The following MDGA2 variants were observed in gnomAD, a reference collection of about 807,000 sequenced individuals.
MDGA2 encodes MAM domain containing glycosylphosphatidylinositol anchor 2, also known as MAM domain-containing glycosylphosphatidylinositol anchor protein 2.
A neutral mutation model predicts 117.8 loss-of-function variants in MDGA2; 40 were observed. That is an observed-to-expected ratio of 0.34 (90% CI 0.26 to 0.44). The LOEUF (loss-of-function observed/expected upper bound fraction) is 0.44. Among genes scored for constraint, MDGA2 ranks in the 20% least tolerant of loss-of-function variants. The pLI is 1.00. For synonymous variants in MDGA2, 452 were observed against 439.0 expected (o/e 1.03, Z -0.37); for missense variants, 1,123 against 1,250.6 (o/e 0.90, Z 1.54).
At chr14:47,401,080 C>CCCAG in intron 1 of MDGA2, among the ~76,000 whole-genome samples, 1 of 151,506 alleles carries the variant, frequency 6.6e-6, no homozygotes, top group East Asian at 2.0e-4. Context: ...TCTTTATGTC[C>CCCAG]CCAGTACTGT....
chr14:47,129,261 T>A (rs1035657620), intron 5 of MDGA2, among the ~76,000 whole-genome samples: 14 of 144,218 alleles, frequency 9.7e-5, no homozygotes, highest in Non-Finnish European at 1.1e-4. Flanking sequence ...CCCACAACAG[T>A]CCCCAGAGTG....
At chr14:47,227,305 G>T (rs1454073623) in intron 2 of MDGA2, among the ~76,000 whole-genome samples, 2 of 152,066 alleles carry the variant, frequency 1.3e-5, no homozygotes, top group Non-Finnish European at 2.9e-5. Flanking sequence ...AATGATTATT[G>T]TGGGATATGA....
chr14:46,863,164 C>T (rs888600340), intron 14 of MDGA2, among the ~76,000 whole-genome samples: 15 of 151,872 alleles, frequency 9.9e-5, no homozygotes, highest in Admixed American at 3.9e-4. Context: ...CTTTGTTCTC[C>T]ACCTCCTATA....
downstream of MDGA2, among the ~76,000 whole-genome samples, chr14:46,839,733 T>G (rs1310311705): frequency 6.6e-6 from 1 of 152,014 alleles, no homozygotes; most frequent in Non-Finnish European, 1.5e-5. Context: ...GATGTCTAAT[T>G]CATTCAAATA....
chr14:47,288,350 AAG>A (rs1888760329), intron 2 of MDGA2, among the ~76,000 whole-genome samples: 1 of 152,198 alleles, frequency 6.6e-6, no homozygotes. Flanking sequence ...AGACATCACA[AAG>A]AGTTATTCAA....
At chr14:47,145,259 T>C (rs529537676) in intron 3 of MDGA2, among the ~76,000 whole-genome samples, 1 of 152,278 alleles carries the variant, frequency 6.6e-6, no homozygotes, top group South Asian at 2.1e-4. Flanking sequence ...CATAAATACC[T>C]TGGGCTTTGT....
chr14:47,214,788 T>A (rs1057510219), intron 3 of MDGA2, among the ~76,000 whole-genome samples: 6 of 152,108 alleles, frequency 3.9e-5, no homozygotes, highest in African/African-American at 1.4e-4. Context: ...TAGAAACTTG[T>A]AGAACGTGGG....
Position 47,035,195 on chromosome 14 carries a change from A to G in MDGA2, c.1635T>C (p.Leu545=), listed in dbSNP as rs1888802704. 1 of 1,613,950 alleles carries G rather than the reference A, an allele frequency of 6.2e-7. No individual in the cohort carries two copies. Among genetic ancestry groups the G allele is most frequent in the African/African-American group, 1.3e-5 (1 of 74,886 alleles). ...CAACTTCTTTATCCGCTCTAGACCA[A>G]AGGATGATTGGTTTAGGTTTGCCAG... The part of the protein sequence containing the change: ...QVTGKPKPII[L]WSRADKEVAM... The change falls in exon 8 of 17, where the codon CTT becomes CTC. Residue 545 remains leucine (L), a synonymous_variant. Transcript: ENST00000399232.
At chr14:47,630,850 T>C (rs1305273924) in intron 1 of MDGA2, among the ~76,000 whole-genome samples, 6 of 152,176 alleles carry the variant, frequency 3.9e-5, no homozygotes, top group Admixed American at 3.9e-4. Flanking sequence ...ACACAGTCAA[T>C]ATTCATTGTG....
intron 9 of MDGA2, among the ~76,000 whole-genome samples, chr14:46,955,986 T>C (rs1020630665): frequency 2.6e-5 from 4 of 152,226 alleles, no homozygotes; most frequent in South Asian, 4.1e-4. Flanking sequence ...AATCCTGATA[T>C]GTTTTAGTAA....
At chr14:46,984,557 T>C (rs924841976) in intron 8 of MDGA2, among the ~76,000 whole-genome samples, 5 of 152,016 alleles carry the variant, frequency 3.3e-5, no homozygotes, top group African/African-American at 1.2e-4. Context: ...AGTGGATTCT[T>C]GTATCCAGCT....
chr14:47,117,532 A>C (rs1881396785), intron 5 of MDGA2, among the ~76,000 whole-genome samples: 1 of 152,166 alleles, frequency 6.6e-6, no homozygotes, highest in Non-Finnish European at 1.5e-5. Context: ...TGAATATAGA[A>C]AATGTGGTAT....
chr14:47,477,365 A>G (rs958873666), intron 1 of MDGA2, among the ~76,000 whole-genome samples: 1 of 152,126 alleles, frequency 6.6e-6, no homozygotes, highest in Non-Finnish European at 1.5e-5. Flanking sequence ...TATCTTTGGA[A>G]CCTAAAGTAG....
At chr14:47,378,077 C>T (rs115529598) in intron 1 of MDGA2, among the ~76,000 whole-genome samples, 11,023 of 152,266 alleles carry the variant, frequency 0.072, 496 homozygotes, top group Non-Finnish European at 0.11. Flanking sequence ...GCAGCCTCTG[C>T]TGGTGATACC....
At chr14:46,932,180 A>C (rs977688340) in intron 9 of MDGA2, among the ~76,000 whole-genome samples, 1 of 152,062 alleles carries the variant, frequency 6.6e-6, no homozygotes, top group African/African-American at 2.4e-5. Flanking sequence ...AATATGTGTT[A>C]GCATAAAGAA....
rs1886827310 is a variant in MDGA2 at position 47,235,473 on chromosome 14, T to C, written c.421-17278A>G. 2.6e-5 allele frequency among the ~76,000 whole-genome samples: 4 copies of C among 152,332 alleles called. No individual in the cohort carries two copies. In the South Asian group the frequency reaches 6.2e-4, roughly 24 times the overall value. On this transcript the variant is annotated intron_variant, in intron 2 of 16. Transcript: ENST00000399232. Reference sequence around the variant, plus strand: ...GCAGAGGGGATCTTAAAAACCTTTCTGTTCCTCACAATCTTTGCTAAATGC... The same window carrying C: ...GCAGAGGGGATCTTAAAAACCTTTCCGTTCCTCACAATCTTTGCTAAATGC...
At chr14:46,888,515 A>G (rs893873873) in intron 10 of MDGA2, among the ~76,000 whole-genome samples, 4 of 151,938 alleles carry the variant, frequency 2.6e-5, no homozygotes, top group Admixed American at 1.3e-4. Flanking sequence ...CTAAAGTGAG[A>G]CTTTTTATTA....
chr14:47,646,127 G>A (rs976942150), intron 1 of MDGA2, among the ~76,000 whole-genome samples: 1 of 149,508 alleles, frequency 6.7e-6, no homozygotes. Flanking sequence ...GTTTGACTAC[G>A]TCATGTAAAC....
At chr14:47,262,707 T>C (rs1016288029) in intron 2 of MDGA2, among the ~76,000 whole-genome samples, 4 of 152,118 alleles carry the variant, frequency 2.6e-5, no homozygotes, top group Non-Finnish European at 5.9e-5. Context: ...AACAGGAAAG[T>C]TAAGACCAAA....
Sources: gnomAD v4.1 joint callset for allele counts (sites outside exome capture counted in the v4.1 genomes callset) on GRCh38, gnomAD v4.1.1 for gene constraint, MANE v1.5 for transcripts, NCBI Gene and HGNC (gene_info 2026-07-23, HGNC 2026-07-21) for gene names.